Variants in SLX4IP observed in about 807,000 individuals in gnomAD.
SLX4IP encodes the protein protein SLX4IP.
In SLX4IP, 34 loss-of-function variants were observed where a neutral mutation model predicts 32.9. The ratio of observed to expected loss-of-function variants is 1.03; its 90% confidence interval spans 0.79 to 1.38. The LOEUF is 1.38. Among genes scored for constraint, SLX4IP ranks in the 40% most tolerant of loss-of-function variants. The pLI, the probability that SLX4IP is intolerant of heterozygous loss-of-function variation, is 0.00. For synonymous variants in SLX4IP, 172 were observed against 171.7 expected (o/e 1.00, Z -0.01); for missense variants, 444 against 479.0 (o/e 0.93, Z 0.68).
intron 2 of SLX4IP, among the ~76,000 whole-genome samples, chr20:10,509,578 T>A (rs2065788589): frequency 6.6e-6 from 1 of 152,166 alleles, no homozygotes; most frequent in Admixed American, 6.5e-5. Context: ...TAAAGAAAAG[T>A]AGTTTGCAGC....
At chr20:10,456,714 C>G (rs2065288642) in intron 1 of SLX4IP, among the ~76,000 whole-genome samples, 1 of 152,110 alleles carries the variant, frequency 6.6e-6, no homozygotes, top group Admixed American at 6.6e-5. Flanking sequence ...TTTTGTTACT[C>G]CAGATCTCTT....
chr20:10,622,181 G>C (rs1022693304), intron 7 of SLX4IP, among the ~76,000 whole-genome samples: 12 of 152,136 alleles, frequency 7.9e-5, no homozygotes, highest in Non-Finnish European at 1.5e-5. Context: ...CAACAAACCT[G>C]ATACCAGCTA....
At chr20:10,511,529 A>G (rs908753036) in intron 2 of SLX4IP, among the ~76,000 whole-genome samples, 28 of 152,272 alleles carry the variant, frequency 1.8e-4, no homozygotes, top group African/African-American at 5.5e-4. Context: ...TAATTTTGCC[A>G]GCAGAGTATG....
chr20:10,520,214 C>A (rs1413165709), intron 2 of SLX4IP, among the ~76,000 whole-genome samples: 1 of 152,000 alleles, frequency 6.6e-6, no homozygotes, highest in African/African-American at 2.4e-5. Context: ...CCATGCCCGG[C>A]TAATTTTTTG....
intron 5 of SLX4IP, among the ~76,000 whole-genome samples, chr20:10,600,301 C>T (rs2066826187): frequency 6.6e-6 from 1 of 152,174 alleles, no homozygotes; most frequent in Non-Finnish European, 1.5e-5. Context: ...GGGCTTTCCT[C>T]ATGAGGAAGG....
In SLX4IP at chr20:10,621,214, C is replaced by T. The variant is rs568693762; in HGVS notation, c.406-100C>T. 4 of 1,083,486 alleles carry T rather than the reference C, an allele frequency of 3.7e-6. No individual in the cohort carries two copies. In the African/African-American group the frequency reaches 6.2e-5, roughly 17 times the overall value. 67.1% of individuals were successfully genotyped at this position (1,083,486 alleles called of 1,614,324 possible). A position where few individuals can be genotyped will look rare whatever the true frequency, so the allele number is the denominator to read the frequency against. On this transcript the variant is annotated intron_variant, in intron 6 of 7. Transcript: ENST00000334534. ...ACTGAGCAGTTTCATTCAGTCTTTACAAAAATAAATGTGTTCATTGGGGCA... is the reference window on the plus strand; with the variant it reads ...ACTGAGCAGTTTCATTCAGTCTTTATAAAAATAAATGTGTTCATTGGGGCA...
At chr20:10,605,312 T>A (rs2066892996) in intron 6 of SLX4IP, among the ~76,000 whole-genome samples, 1 of 152,172 alleles carries the variant, frequency 6.6e-6, no homozygotes, top group Non-Finnish European at 1.5e-5. Flanking sequence ...CCCAGCTCTA[T>A]ACTGGGAACT....
intron 4 of SLX4IP, among the ~76,000 whole-genome samples, chr20:10,580,575 A>T (rs1288890232): frequency 7.1e-6 from 1 of 141,616 alleles, no homozygotes; most frequent in Non-Finnish European, 1.5e-5. Context: ...TAACCATCCT[A>T]CCTTTAACTC....
intron 2 of SLX4IP, among the ~76,000 whole-genome samples, chr20:10,485,236 A>G (rs568128797): frequency 2.9e-4 from 44 of 152,224 alleles, no homozygotes; most frequent in African/African-American, 1.0e-3. Flanking sequence ...TATGTGCAAG[A>G]TGCTTATACA....
At chr20:10,587,640 G>A (rs538595910) in intron 4 of SLX4IP, among the ~76,000 whole-genome samples, 13 of 152,106 alleles carry the variant, frequency 8.5e-5, no homozygotes, top group East Asian at 1.9e-4. Context: ...TAGCACTGGC[G>A]TAAAAATGGG....
chr20:10,508,677 T>C (rs2065779813), intron 2 of SLX4IP, among the ~76,000 whole-genome samples: 1 of 152,204 alleles, frequency 6.6e-6, no homozygotes, highest in Non-Finnish European at 1.5e-5. Flanking sequence ...TCTGCCTGCT[T>C]TTGCTAACTT....
intron 3 of SLX4IP, among the ~76,000 whole-genome samples, chr20:10,558,211 G>A (rs1223859176): frequency 2.6e-5 from 4 of 152,062 alleles, no homozygotes; most frequent in African/African-American, 9.6e-5. Flanking sequence ...GTGGTGGCTT[G>A]TGTCTGGAAT....
At chr20:10,613,079 T>C in intron 6 of SLX4IP, 1 of 294,162 alleles carries the variant, frequency 3.4e-6, no homozygotes, top group South Asian at 3.8e-5. Context: ...GAGCCTATTC[T>C]AACAGACACG....
At chr20:10,526,815 T>G (rs1182542154) in intron 2 of SLX4IP, among the ~76,000 whole-genome samples, 1 of 152,086 alleles carries the variant, frequency 6.6e-6, no homozygotes, top group African/African-American at 2.4e-5. Context: ...AGCTGGGTTT[T>G]GTGGCATGTG....
At chr20:10,553,940 A>G (rs996189836) in intron 2 of SLX4IP, among the ~76,000 whole-genome samples, 4 of 152,326 alleles carry the variant, frequency 2.6e-5, no homozygotes, top group Non-Finnish European at 2.9e-5. Flanking sequence ...TAATACCTAC[A>G]TTTTAAATAA....
chr20:10,458,907 A>T (rs2065311845), intron 2 of SLX4IP, among the ~76,000 whole-genome samples: 1 of 152,186 alleles, frequency 6.6e-6, no homozygotes, highest in Non-Finnish European at 1.5e-5. Flanking sequence ...CAAATGGCAT[A>T]TCTGCCTCTA....
rs199832360 is a variant in SLX4IP at position 10,555,196 on chromosome 20, T to TA, written c.28-1022dup. Among the ~76,000 whole-genome samples, 250 of 137,574 alleles carry TA rather than the reference T, an allele frequency of 1.8e-3. 1 individual carries two copies. The highest frequency in any genetic ancestry group is 3.6e-3 in the Middle Eastern group (1 of 280). The allele number at this position is 137,574 out of a possible 152,430, so 90.3% of individuals were successfully genotyped here. On this transcript the variant is annotated intron_variant, in intron 2 of 7. Coordinates refer to ENST00000334534, the MANE Select transcript of SLX4IP (RefSeq NM_001009608.3). Reference sequence around the variant, plus strand: ...CACTGTTGATATATAGGACAGAATTTAAAAAAAAAAAAACAAAACTGTCCA... The same window carrying TA: ...CACTGTTGATATATAGGACAGAATTTAAAAAAAAAAAAAACAAAACTGTCCA...
intron 2 of SLX4IP, among the ~76,000 whole-genome samples, chr20:10,479,161 C>T (rs1395485888): frequency 6.6e-6 from 1 of 152,150 alleles, no homozygotes; most frequent in Admixed American, 6.5e-5. Context: ...CTGATTCCTT[C>T]CCATATGACA....
chr20:10,566,986 C>T (rs1339904291), intron 4 of SLX4IP, among the ~76,000 whole-genome samples: 1 of 152,146 alleles, frequency 6.6e-6, no homozygotes, highest in Non-Finnish European at 1.5e-5. Context: ...CCATCACTGG[C>T]CTATCTCCCT....
Sources: allele counts gnomAD v4.1 joint callset (sites outside exome capture counted in the v4.1 genomes callset), GRCh38; gene constraint gnomAD v4.1.1; transcripts MANE v1.5; gene names NCBI Gene and HGNC (gene_info 2026-07-23, HGNC 2026-07-21).